The following SDK1 variants were observed in gnomAD, a reference collection of about 807,000 sequenced individuals.
SDK1 encodes the protein sidekick cell adhesion molecule 1.
Under a neutral mutation model 245.5 loss-of-function variants are expected in SDK1, and 157 were observed. The ratio of observed to expected loss-of-function variants is 0.64; its 90% CI spans 0.56 to 0.73. SDK1 has a LOEUF of 0.73. Among genes scored for constraint, SDK1 ranks in the 30% least tolerant of loss-of-function variants. The pLI is 0.00. For missense variants in SDK1, 3,583 were observed against 3,002.3 expected, an observed-to-expected ratio of 1.19 and a Z score of -4.52; for synonymous variants, 1,647 against 1,278.5, an observed-to-expected ratio of 1.29 and a Z score of -6.15.
At chr7:3,564,515 G>C (rs1779847150) in intron 1 of SDK1, among the ~76,000 whole-genome samples, 1 of 151,588 alleles carries the variant, frequency 6.6e-6, no homozygotes, top group African/African-American at 2.4e-5. Flanking sequence ...AAAAAATACA[G>C]GACAATGACA....
intron 14 of SDK1, among the ~76,000 whole-genome samples, chr7:4,002,869 C>T (rs1033790116): frequency 3.3e-5 from 5 of 152,292 alleles, no homozygotes; most frequent in African/African-American, 7.2e-5. Context: ...GGGGAGGGCC[C>T]GATGTGATGG....
chr7:3,614,895 G>T (rs985039615), intron 1 of SDK1, among the ~76,000 whole-genome samples: 2 of 144,064 alleles, frequency 1.4e-5, no homozygotes, highest in Admixed American at 6.9e-5. Flanking sequence ...CCAGCTATAT[G>T]AAACCATTCT....
Position 4,083,524 on chromosome 7 carries a change from TCCTCCCTCCCTC to T in SDK1, c.3324+3964_3324+3975del, listed in dbSNP as rs749572975. 2.3e-3 allele frequency among the ~76,000 whole-genome samples: 207 copies of T among 90,972 alleles called. 3 individuals are homozygous for T. The East Asian group carries it at 0.028, about 12-fold the overall frequency. 59.7% of individuals were successfully genotyped at this position (90,972 alleles called of 152,430 possible). On this transcript the variant is annotated intron_variant, in intron 22 of 44. Transcript: ENST00000404826. ...AAGAACTGGTAGATTCCATTTCCAC[TCCTCCCTCCCTC>T]CCTCCCTCCCTCCCTCCCTCCCTTC...
rs537854528 is a variant in SDK1, at chr7:3,999,548, C to T, written c.2132-11418C>T. Among the ~76,000 whole-genome samples the T allele has an allele frequency of 6.0e-4, 91 of 152,236 alleles. 1 individual carries two copies. Among genetic ancestry groups the T allele is most frequent in the African/African-American group, 2.1e-3 (87 of 41,550 alleles). ...GCAGAATGTTCAAACGGTCAGTATTCGGATGCCCTGGTGCCTCGGGGCGGG... is the reference window on the plus strand; with the variant it reads ...GCAGAATGTTCAAACGGTCAGTATTTGGATGCCCTGGTGCCTCGGGGCGGG... On this transcript the variant is annotated intron_variant, in intron 14 of 44. Coordinates refer to ENST00000404826, the MANE Select transcript of SDK1 (RefSeq NM_152744.4).
chr7:3,994,803 C>T (rs1237643150), intron 14 of SDK1, among the ~76,000 whole-genome samples: 2 of 152,304 alleles, frequency 1.3e-5, no homozygotes, highest in South Asian at 4.1e-4. Context: ...CTGACCCTAA[C>T]TGGCTGTTGC....
chr7:4,021,779 G>A (rs1822467), intron 17 of SDK1, among the ~76,000 whole-genome samples: 15,506 of 152,242 alleles, frequency 0.1, 865 homozygotes, highest in South Asian at 0.14. Flanking sequence ...GGCTGGCAAC[G>A]TGGCCTTCCA....
At chr7:3,416,290 A>T (rs1452746914) in intron 1 of SDK1, among the ~76,000 whole-genome samples, 1 of 151,848 alleles carries the variant, frequency 6.6e-6, no homozygotes, top group Non-Finnish European at 1.5e-5. Flanking sequence ...TTCAGGGAGG[A>T]GTTGGTCTCA....
intron 5 of SDK1, among the ~76,000 whole-genome samples, chr7:3,834,249 C>T (rs759547173): frequency 6.6e-6 from 1 of 152,222 alleles, no homozygotes; most frequent in Non-Finnish European, 1.5e-5. Context: ...GCTCAGAAAA[C>T]GCTGAGCGTC....
chr7:3,783,140 T>C (rs1780796837), intron 4 of SDK1, among the ~76,000 whole-genome samples: 1 of 152,242 alleles, frequency 6.6e-6, no homozygotes, highest in African/African-American at 2.4e-5. Context: ...TTTTGTTAGA[T>C]GCCGAAAAAG....
At chr7:3,814,686 CTG>C (rs1275621133) in intron 4 of SDK1, among the ~76,000 whole-genome samples, 1 of 151,938 alleles carries the variant, frequency 6.6e-6, no homozygotes, top group Non-Finnish European at 1.5e-5. Context: ...GGCATTGAAT[CTG>C]TAAATTACCT....
At chr7:3,310,639 A>G (rs1779527970) in intron 1 of SDK1, among the ~76,000 whole-genome samples, 1 of 152,130 alleles carries the variant, frequency 6.6e-6, no homozygotes, top group Non-Finnish European at 1.5e-5. Context: ...TTGGTTTTGA[A>G]TTTATTAATG....
At chr7:3,642,628 A>C (rs762289595) in intron 4 of SDK1, among the ~76,000 whole-genome samples, 4 of 152,236 alleles carry the variant, frequency 2.6e-5, no homozygotes, top group Non-Finnish European at 5.9e-5. Context: ...TCACCCATCT[A>C]TTGCAGAATA....
intron 2 of SDK1, among the ~76,000 whole-genome samples, chr7:3,629,828 G>C (rs1221978857): frequency 2.0e-5 from 3 of 152,174 alleles, no homozygotes; most frequent in Non-Finnish European, 4.4e-5. Flanking sequence ...ATAATCAGGA[G>C]AGAAATCAGT....
At chr7:3,681,227 T>C (rs189866633) in intron 4 of SDK1, among the ~76,000 whole-genome samples, 90 of 152,308 alleles carry the variant, frequency 5.9e-4, no homozygotes, top group Admixed American at 4.4e-3. Flanking sequence ...GTAAATGAAA[T>C]CTGACTGTGT....
intron 5 of SDK1, among the ~76,000 whole-genome samples, chr7:3,859,614 A>T (rs1194690995): frequency 6.6e-6 from 1 of 152,150 alleles, no homozygotes; most frequent in African/African-American, 2.4e-5. Context: ...TACATTATCA[A>T]CAGACAAAGA....
rs575882037 is a variant in SDK1 at position 3,596,632 on chromosome 7, C to T, written c.299-22448C>T. On this transcript the variant is annotated intron_variant, in intron 1 of 44. Transcript: ENST00000404826. The stretch of plus-strand genomic sequence containing the variant: ...ATTAATCTCCATCCCTGTAGGCAGT[C>T]GTTTTTCTGATTTCTTTTCAAATAG... 2.6e-5 allele frequency among the ~76,000 whole-genome samples: 4 copies of T among 152,188 alleles called. No individual in the cohort carries two copies. The East Asian group carries it at 5.8e-4, about 22-fold the overall frequency.
At chr7:4,225,963 A>T (rs1297110440) in intron 40 of SDK1, among the ~76,000 whole-genome samples, 1 of 152,124 alleles carries the variant, frequency 6.6e-6, no homozygotes, top group African/African-American at 2.4e-5. Context: ...GTGTTCTTTC[A>T]TGGGAAGTTG....
chr7:3,626,323 A>G (rs748276795), intron 2 of SDK1, among the ~76,000 whole-genome samples: 3 of 152,196 alleles, frequency 2.0e-5, no homozygotes, highest in Non-Finnish European at 4.4e-5. Flanking sequence ...ACCTGCTGTT[A>G]AGTCTAATTC....
chr7:3,680,184 C>T (rs2114982478), intron 4 of SDK1, among the ~76,000 whole-genome samples: 1 of 152,284 alleles, frequency 6.6e-6, no homozygotes, highest in South Asian at 2.1e-4. Context: ...AAAACCCAAT[C>T]TCCAATCTCA....
Sources: gnomAD v4.1 joint callset for allele counts (sites outside exome capture counted in the v4.1 genomes callset) on GRCh38, gnomAD v4.1.1 for gene constraint, MANE v1.5 for transcripts, NCBI Gene and HGNC (gene_info 2026-07-23, HGNC 2026-07-21) for gene names.